NRXN1: variants seen among roughly 807,000 people sequenced by gnomAD.
The protein encoded by NRXN1 is neurexin-1.
Under a neutral mutation model 150.9 loss-of-function variants are expected in NRXN1, and 39 were observed. That is an observed-to-expected ratio of 0.26 (90% CI 0.20 to 0.34). The LOEUF (loss-of-function observed/expected upper bound fraction) is 0.34. Among genes scored for constraint, NRXN1 ranks in the 10% least tolerant of loss-of-function variants. The pLI is 1.00. For synonymous variants in NRXN1, 924 were observed against 757.0 expected (o/e 1.22, Z -3.62); for missense variants, 1,815 against 1,949.9 (o/e 0.93, Z 1.30).
At chr2:51,017,109 T>TG (rs1234540626) in intron 2 of NRXN1, among the ~76,000 whole-genome samples, 1 of 147,030 alleles carries the variant, frequency 6.8e-6, no homozygotes, top group East Asian at 2.0e-4. Flanking sequence ...TGTCAGGGGG[T>TG]GGGGGTCTAG....
intron 18 of NRXN1, among the ~76,000 whole-genome samples, chr2:50,161,902 T>C (rs2059385730): frequency 6.6e-6 from 1 of 152,056 alleles, no homozygotes; most frequent in African/African-American, 2.4e-5. Flanking sequence ...AGTTTTGGAA[T>C]TTTCTTTTGC....
intron 5 of NRXN1, among the ~76,000 whole-genome samples, chr2:50,739,960 A>C (rs901071607): frequency 1.3e-5 from 2 of 152,226 alleles, no homozygotes; most frequent in African/African-American, 2.4e-5. Context: ...TGGCAGCATA[A>C]GCACTGTCAT....
intron 17 of NRXN1, among the ~76,000 whole-genome samples, chr2:50,251,174 C>T (rs1333417434): frequency 1.3e-5 from 2 of 151,936 alleles, no homozygotes; most frequent in African/African-American, 4.8e-5. Flanking sequence ...CATCCTGATG[C>T]TCTCTCTCCC....
chr2:50,269,140 A>G (rs1488657507), intron 17 of NRXN1, among the ~76,000 whole-genome samples: 1 of 152,228 alleles, frequency 6.6e-6, no homozygotes, highest in Non-Finnish European at 1.5e-5. Flanking sequence ...TAAGATCACA[A>G]CTAATATTGT....
At chr2:50,208,011 C>A (rs1258807432) in intron 18 of NRXN1, among the ~76,000 whole-genome samples, 3 of 152,112 alleles carry the variant, frequency 2.0e-5, no homozygotes. Context: ...AAAAGGCAAA[C>A]CTTCCCTTCC....
At chr2:50,097,238 TGCA>T (rs1700343980) in intron 18 of NRXN1, among the ~76,000 whole-genome samples, 1 of 152,176 alleles carries the variant, frequency 6.6e-6, no homozygotes, top group Non-Finnish European at 1.5e-5. Flanking sequence ...TGAGCAAGTG[TGCA>T]ACTCAGGAGG....
chr2:50,095,862 G>A (rs2011317), intron 18 of NRXN1, among the ~76,000 whole-genome samples: 36,733 of 150,516 alleles, frequency 0.24, 4,888 homozygotes, highest in Admixed American at 0.38. Context: ...ATGTATACAT[G>A]TGCCATGTTG....
At chr2:50,361,424 A>AT (rs1210615133) in intron 17 of NRXN1, among the ~76,000 whole-genome samples, 1 of 152,194 alleles carries the variant, frequency 6.6e-6, no homozygotes, top group Non-Finnish European at 1.5e-5. Context: ...AAAATGATAA[A>AT]GGGGATATCA....
rs1310154036 is a variant in NRXN1, at chr2:50,642,191, C to T, written c.833-18576G>A. Among the ~76,000 whole-genome samples the T allele has an allele frequency of 2.0e-5, 3 of 152,130 alleles. No homozygotes were observed. The East Asian group carries it at 5.8e-4, about 30-fold the overall frequency. On this transcript the variant is annotated intron_variant, in intron 5 of 22. Coordinates refer to ENST00000401669, the MANE Select transcript of NRXN1 (RefSeq NM_001330078.2). The stretch of plus-strand genomic sequence containing the variant: ...TTAAAGACCTACTATGCATGAGGCA[C>T]CATGCTAATTGCTTTGAAGAAGACA...
chr2:50,380,516 G>C (rs1345819111), intron 17 of NRXN1, among the ~76,000 whole-genome samples: 1 of 152,042 alleles, frequency 6.6e-6, no homozygotes, highest in Non-Finnish European at 1.5e-5. Context: ...AGAAATTTAA[G>C]AGTCAGAGAG....
rs574585523 is a variant in NRXN1, at chr2:50,466,847, T to C, written c.3245-1286A>G. 1.3e-4 allele frequency among the ~76,000 whole-genome samples: 20 copies of C among 151,916 alleles called. No homozygotes were observed. In the South Asian group the frequency reaches 4.1e-3, roughly 31 times the overall value. On this transcript the variant is annotated intron_variant, in intron 16 of 22. Coordinates refer to ENST00000401669, the MANE Select transcript of NRXN1 (RefSeq NM_001330078.2). ...TGCTTATTTGGAACATGCAGCACCA[T>C]TCATCATGTGCAGATACAGTGTAGA... is the stretch of plus-strand genomic sequence containing the variant.
intron 22 of NRXN1, among the ~76,000 whole-genome samples, chr2:49,939,541 G>T (rs536184089): frequency 4.6e-5 from 7 of 152,276 alleles, no homozygotes; most frequent in Non-Finnish European, 7.4e-5. Context: ...CTAAAATCAA[G>T]TATAATTGAG....
intron 5 of NRXN1, among the ~76,000 whole-genome samples, chr2:50,815,672 C>A (rs575008762): frequency 5.3e-5 from 8 of 152,088 alleles, no homozygotes; most frequent in African/African-American, 1.7e-4. Flanking sequence ...ATTTAAAAAC[C>A]AGTATTTGTG....
At chr2:50,375,593 T>C (rs2153023975) in intron 17 of NRXN1, among the ~76,000 whole-genome samples, 2 of 150,576 alleles carry the variant, frequency 1.3e-5, no homozygotes, top group East Asian at 4.0e-4. Flanking sequence ...AACAGAATAA[T>C]CTTTTAAAAT....
chr2:50,815,793 T>C (rs372833660), intron 5 of NRXN1, among the ~76,000 whole-genome samples: 32 of 152,328 alleles, frequency 2.1e-4, no homozygotes, highest in African/African-American at 7.0e-4. Flanking sequence ...ATTTTATCTA[T>C]AGAATTAATT....
chr2:50,619,928 T>C, intron 8 of NRXN1, 94 bp downstream of exon 8: 3 of 1,171,706 alleles, frequency 2.6e-6, no homozygotes, highest in Non-Finnish European at 3.5e-6. Context: ...CGTTTGACTC[T>C]GGAACATCGG....
chr2:50,456,178 T>C (rs1391861202), intron 17 of NRXN1, among the ~76,000 whole-genome samples: 1 of 152,134 alleles, frequency 6.6e-6, no homozygotes, highest in African/African-American at 2.4e-5. Flanking sequence ...TCAAGACCCA[T>C]TTTTTTAAAT....
chr2:50,829,850 T>C (rs532971708), intron 5 of NRXN1, among the ~76,000 whole-genome samples: 1 of 152,178 alleles, frequency 6.6e-6, no homozygotes, highest in Non-Finnish European at 1.5e-5. Context: ...GATTATTTTA[T>C]TTTTTTAGAA....
intron 8 of NRXN1, among the ~76,000 whole-genome samples, chr2:50,564,344 TCA>T (rs1393653114): frequency 6.6e-6 from 1 of 152,124 alleles, no homozygotes; most frequent in African/African-American, 2.4e-5. Flanking sequence ...AGGGGAGTGT[TCA>T]TTATTTAAAT....
Sources: gnomAD v4.1 joint callset for allele counts (sites outside exome capture counted in the v4.1 genomes callset) on GRCh38, gnomAD v4.1.1 for gene constraint, MANE v1.5 for transcripts, NCBI Gene and HGNC (gene_info 2026-07-23, HGNC 2026-07-21) for gene names.